The following MYOCOS variants were observed in gnomAD, a reference collection of about 807,000 sequenced individuals.
The protein encoded by MYOCOS is myocilin opposite strand protein.
intron 1 of MYOCOS, among the ~76,000 whole-genome samples, chr1:171,622,684 T>C (rs918318946): frequency 2.8e-5 from 3 of 105,580 alleles, no homozygotes; most frequent in Admixed American, 9.5e-5. Flanking sequence ...TGCTCTAGAA[T>C]GGCAGTCACC....
At chr1:171,602,499 TATC>T (rs1013607466) in intron 1 of MYOCOS, among the ~76,000 whole-genome samples, 23 of 152,162 alleles carry the variant, frequency 1.5e-4, no homozygotes, top group African/African-American at 4.3e-4. Context: ...GTTAAAAAGG[TATC>T]ATCCAATTTT....
chr1:171,620,771 TTC>T (rs1442863474), upstream of MYOCOS, among the ~76,000 whole-genome samples: 18 of 100,232 alleles, frequency 1.8e-4, no homozygotes, highest in African/African-American at 3.9e-4. Flanking sequence ...TTCTTTTTCT[TTC>T]TTTTTTTTTT....
chr1:171,619,110 A>G (rs958035453), upstream of MYOCOS, among the ~76,000 whole-genome samples: 35 of 152,080 alleles, frequency 2.3e-4, no homozygotes, highest in Admixed American at 1.9e-3. Context: ...TATTTTACCC[A>G]TATATGTATT....
chr1:171,625,146 G>T (rs1372667198), intron 2 of MYOCOS, among the ~76,000 whole-genome samples: 1 of 152,120 alleles, frequency 6.6e-6, no homozygotes, highest in Non-Finnish European at 1.5e-5. Context: ...GTTGATAGTG[G>T]TGCACAGCCA....
At chr1:171,601,990 T>C (rs576741387) in intron 1 of MYOCOS, among the ~76,000 whole-genome samples, 2 of 151,998 alleles carry the variant, frequency 1.3e-5, no homozygotes, top group Admixed American at 6.6e-5. Flanking sequence ...TGGTAACTTC[T>C]AATCTTGTAG....
At chr1:171,608,346 G>C (rs1387844463) in intron 1 of MYOCOS, among the ~76,000 whole-genome samples, 3 of 147,942 alleles carry the variant, frequency 2.0e-5, no homozygotes, top group Middle Eastern at 3.3e-3. Context: ...TAAATCTTGT[G>C]ATAAGTTCTG....
upstream of MYOCOS, among the ~76,000 whole-genome samples, chr1:171,619,387 G>A (rs1652512853): frequency 6.6e-6 from 1 of 152,148 alleles, no homozygotes; most frequent in Non-Finnish European, 1.5e-5. Flanking sequence ...CTAAAGGATG[G>A]CTAGTGTGGG....
chr1:171,620,894 C>T (rs569329096), upstream of MYOCOS, among the ~76,000 whole-genome samples: 4 of 151,310 alleles, frequency 2.6e-5, no homozygotes, highest in East Asian at 2.0e-4. Context: ...CTCAGCCTCC[C>T]GAGTAGCTGG....
At chr1:171,605,322 T>C (rs575805617) in intron 1 of MYOCOS, among the ~76,000 whole-genome samples, 40 of 151,152 alleles carry the variant, frequency 2.6e-4, no homozygotes, top group African/African-American at 9.5e-4. Flanking sequence ...AAGAATTCAC[T>C]CATTCTGTAG....
At chr1:171,617,046 G>A (rs978778236) in intron 2 of MYOCOS, among the ~76,000 whole-genome samples, 2 of 152,198 alleles carry the variant, frequency 1.3e-5, no homozygotes, top group Non-Finnish European at 2.9e-5. Context: ...GGCTCAGCTT[G>A]TGCCCAGAGA....
At chr1:171,624,488 C>A (rs892919440) in intron 2 of MYOCOS, among the ~76,000 whole-genome samples, 1 of 150,216 alleles carries the variant, frequency 6.7e-6, no homozygotes, top group Non-Finnish European at 1.5e-5. Context: ...TCTCTGTCGC[C>A]CAGGCTGGAG....
chr1:171,606,722 C>T (rs1470011796), intron 1 of MYOCOS, among the ~76,000 whole-genome samples: 2 of 152,220 alleles, frequency 1.3e-5, no homozygotes, highest in Non-Finnish European at 2.9e-5. Context: ...ACTCGAGGAG[C>T]TCAGATTTTA....
At chr1:171,605,510 C>T (rs976792491) in intron 1 of MYOCOS, among the ~76,000 whole-genome samples, 2 of 151,878 alleles carry the variant, frequency 1.3e-5, no homozygotes, top group East Asian at 1.9e-4. Flanking sequence ...CAGGACTGGA[C>T]GGCCCCCACC....
intron 2 of MYOCOS, among the ~76,000 whole-genome samples, chr1:171,625,324 T>A (rs1652672583): frequency 6.6e-6 from 1 of 152,184 alleles, no homozygotes; most frequent in South Asian, 2.1e-4. Flanking sequence ...ACATTAGGGA[T>A]CAGCTTTGAT....
At chr1:171,602,649 A>T (rs950506556) in intron 1 of MYOCOS, among the ~76,000 whole-genome samples, 2 of 152,186 alleles carry the variant, frequency 1.3e-5, no homozygotes, top group Non-Finnish European at 2.9e-5. Flanking sequence ...AATTAGATAA[A>T]TATGTCTACA....
chr1:171,623,461 C>T (rs775017269), intron 1 of MYOCOS, among the ~76,000 whole-genome samples: 2 of 152,040 alleles, frequency 1.3e-5, no homozygotes, highest in South Asian at 2.1e-4. Flanking sequence ...TCTGGAATGG[C>T]GCCATTAGAG....
chr1:171,619,418 T>C (rs1026479134), upstream of MYOCOS, among the ~76,000 whole-genome samples: 9 of 152,196 alleles, frequency 5.9e-5, no homozygotes, highest in African/African-American at 2.2e-4. Flanking sequence ...TTTTCCTGGA[T>C]TGTACTGTTG....
chr1:171,605,594 C>T (rs962222603), intron 1 of MYOCOS, among the ~76,000 whole-genome samples: 1 of 152,210 alleles, frequency 6.6e-6, no homozygotes, highest in South Asian at 2.1e-4. Context: ...TGCGTAATTG[C>T]ACCATTAAGC....
At chr1:171,612,855 C>T (rs1298457970) in intron 1 of MYOCOS, among the ~76,000 whole-genome samples, 1 of 151,954 alleles carries the variant, frequency 6.6e-6, no homozygotes, top group Admixed American at 6.6e-5. Flanking sequence ...AAAACAACAA[C>T]AAAAAACCTA....
Sources: gnomAD v4.1 joint callset for allele counts (sites outside exome capture counted in the v4.1 genomes callset) on GRCh38, gnomAD v4.1.1 for gene constraint, MANE v1.5 for transcripts, NCBI Gene and HGNC (gene_info 2026-07-23, HGNC 2026-07-21) for gene names.